The following SLX9 variants were observed in gnomAD, a reference collection of about 807,000 sequenced individuals.
The protein encoded by SLX9 is SLX9 ribosome biogenesis factor, also known as ribosome biogenesis protein SLX9 homolog.
SLX9 carries 19 observed loss-of-function variants against 20.8 expected under a neutral mutation model. The observed-to-expected ratio is 0.91, with a 90% CI of 0.64 to 1.34. SLX9 has a LOEUF of 1.34. Ranked by LOEUF, SLX9 falls within the 40% of genes most tolerant of loss-of-function variation. The pLI is 0.00. For synonymous variants in SLX9, 113 were observed against 137.1 expected, an observed-to-expected ratio of 0.82 and a Z score of 1.23; for missense variants, 299 against 322.2, an observed-to-expected ratio of 0.93 and a Z score of 0.55.
At chr21:44,951,464 C>G (rs111988241) in intron 2 of SLX9, among the ~76,000 whole-genome samples, 1 of 152,220 alleles carries the variant, frequency 6.6e-6, no homozygotes, top group Non-Finnish European at 1.5e-5. Context: ...CCTCAGCGCA[C>G]GGGGCGAACG....
At chr21:44,949,286 A>T (rs964918276) in intron 2 of SLX9, among the ~76,000 whole-genome samples, 1 of 151,960 alleles carries the variant, frequency 6.6e-6, no homozygotes. Flanking sequence ...GCTGCTCCTG[A>T]TCAGGGAGTG....
chr21:44,959,305 G>C, intron 2 of SLX9: 1 of 973,792 alleles, frequency 1.0e-6, no homozygotes, highest in Non-Finnish European at 1.2e-6. Flanking sequence ...GGAGAATGCA[G>C]CCGAGGCTGA....
At chr21:44,971,988 C>G (rs900237853) in intron 4 of SLX9, among the ~76,000 whole-genome samples, 4 of 152,162 alleles carry the variant, frequency 2.6e-5, no homozygotes, top group African/African-American at 9.7e-5. Context: ...GGGACTGATT[C>G]CTTCCCCAGA....
intron 2 of SLX9, among the ~76,000 whole-genome samples, chr21:44,950,085 G>C (rs886267869): frequency 6.6e-6 from 1 of 151,340 alleles, no homozygotes; most frequent in Non-Finnish European, 1.5e-5. Context: ...TGGGGTTACA[G>C]GGTTGTCTTC....
rs1568925538 is a variant in SLX9, at chr21:44,940,949, C to T, written c.129+763C>T. On this transcript the variant is annotated intron_variant, in intron 1 of 5. Coordinates refer to ENST00000291634, the MANE Select transcript of SLX9 (RefSeq NM_058190.4). ...GCTGTTCACTCAGTTTTTCTCTTTT[C>T]TTCAGATGGCATAATCTATCTTAAT... Among the ~76,000 whole-genome samples, 3 of 152,262 alleles carry T rather than the reference C, an allele frequency of 2.0e-5. No homozygotes were observed. In the East Asian group the frequency reaches 5.8e-4, roughly 29 times the overall value.
chr21:44,947,038 C>T (rs142985307), intron 2 of SLX9, among the ~76,000 whole-genome samples: 1,827 of 152,330 alleles, frequency 0.012, 38 homozygotes, highest in African/African-American at 0.041. Context: ...GGTATCCAGG[C>T]GCCTCAGTGG....
In SLX9 at chr21:44,960,093, T is replaced by C; in HGVS notation, c.284-7T>C. 1 of 1,614,180 alleles carries C rather than the reference T, an allele frequency of 6.2e-7. No homozygotes were observed. Among genetic ancestry groups the C allele is most frequent in the Non-Finnish European group, 8.5e-7 (1 of 1,179,986 alleles). On this transcript the variant is annotated splice_region_variant and splice_polypyrimidine_tract_variant and intron_variant, in intron 2 of 5. Transcript: ENST00000291634. ...GTTTTGCTCACTCCCGTGTTCTCTT[T>C]CCTCAGGTGCAGAGGCCAAGACCGT...
In SLX9 at chr21:44,976,744, G is replaced by C. The variant is rs3737075; in HGVS notation, c.634G>C (p.Val212Leu). Residue 212 changes from valine to leucine, a missense_variant, in exon 6 of 6, where the codon GTG (valine) becomes CTG (leucine). Physicochemically the swap from Val to Leu is conservative, Grantham distance 32 (BLOSUM62 1). Coordinates refer to ENST00000291634, the MANE Select transcript of SLX9 (RefSeq NM_058190.4). Reference sequence around the variant, plus strand: ...TCCGGCCTACAGAGCCAGCCCCCTGGTGGCCATCGGGCAGACGCTGGCCCG... The same window carrying C: ...TCCGGCCTACAGAGCCAGCCCCCTGCTGGCCATCGGGCAGACGCTGGCCCG... ...ASPAYRASPL[V>L]AIGQTLARQM... 0.16 allele frequency: 242,700 copies of C among 1,564,034 alleles called. 19,943 individuals are homozygous for C. The highest frequency in any genetic ancestry group is 0.22 in the Admixed American group (11,692 of 53,424).
chr21:44,963,539 G>C (rs59226008), intron 3 of SLX9, among the ~76,000 whole-genome samples: 11,898 of 151,686 alleles, frequency 0.078, 1,545 homozygotes, highest in African/African-American at 0.27. Flanking sequence ...AAACTTTATA[G>C]TTTGAGCTTT....
chr21:44,969,814 C>T (rs1054201104), intron 4 of SLX9, among the ~76,000 whole-genome samples: 27 of 152,218 alleles, frequency 1.8e-4, no homozygotes, highest in Admixed American at 1.7e-3. Flanking sequence ...CTCTTTCTGC[C>T]TCAGGATCCG....
chr21:44,956,415 T>C (rs551737451), intron 2 of SLX9, among the ~76,000 whole-genome samples: 2 of 152,292 alleles, frequency 1.3e-5, no homozygotes, highest in African/African-American at 4.8e-5. Context: ...CCAAACGGCC[T>C]GTCCCACGAT....
intron 1 of SLX9, among the ~76,000 whole-genome samples, chr21:44,942,580 C>T (rs1009418462): frequency 6.6e-6 from 1 of 152,176 alleles, no homozygotes; most frequent in African/African-American, 2.4e-5. Context: ...TTTACCTCTA[C>T]CTTCAAGGTT....
chr21:44,945,452 T>C (rs1187828366), intron 2 of SLX9, among the ~76,000 whole-genome samples: 1 of 152,226 alleles, frequency 6.6e-6, no homozygotes, highest in Non-Finnish European at 1.5e-5. Context: ...GCCTCTTTCC[T>C]CTGCCTTTTC....
chr21:44,973,266 G>A lies in SLX9; in HGVS notation c.569+1G>A. The A allele has an allele frequency of 6.2e-7, 1 of 1,612,020 alleles. No homozygotes were observed. Among genetic ancestry groups the A allele is most frequent in the East Asian group, 2.2e-5 (1 of 44,886 alleles). ...GCGCAGCCCAGAGACAGCAGCTTCT[G>A]TGAGTGCACCTGCCCACCTCCTCAG... On this transcript the variant is annotated splice_donor_variant, in intron 5 of 5. Coordinates refer to ENST00000291634, the MANE Select transcript of SLX9 (RefSeq NM_058190.4). LOFTEE classifies it high-confidence loss of function.
chr21:44,964,485 C>G (rs373923018), intron 3 of SLX9, among the ~76,000 whole-genome samples: 17 of 152,338 alleles, frequency 1.1e-4, no homozygotes, highest in African/African-American at 3.8e-4. Flanking sequence ...AGGCCTCCCC[C>G]GGTCACTCTC....
intron 2 of SLX9, among the ~76,000 whole-genome samples, chr21:44,946,869 C>T (rs1429302014): frequency 6.6e-6 from 1 of 152,206 alleles, no homozygotes; most frequent in Non-Finnish European, 1.5e-5. Context: ...GACAGGCCTC[C>T]ACTTCCCCTG....
chr21:44,940,457 C>T (rs993283638), intron 1 of SLX9, among the ~76,000 whole-genome samples: 3 of 152,182 alleles, frequency 2.0e-5, no homozygotes, highest in Admixed American at 2.0e-4. Flanking sequence ...GGTTGCCACG[C>T]GGACCCCAGA....
chr21:44,958,945 C>G (rs1568938021), intron 2 of SLX9, among the ~76,000 whole-genome samples: 1 of 152,246 alleles, frequency 6.6e-6, no homozygotes, highest in Non-Finnish European at 1.5e-5. Context: ...TCAGTTTCCA[C>G]TGGTCTTAGA....
chr21:44,943,631 A>G (rs1231380239), intron 1 of SLX9, 53 bp from the exon 2 acceptor site: 5 of 1,600,432 alleles, frequency 3.1e-6, no homozygotes, highest in African/African-American at 2.7e-5. Flanking sequence ...CTCTGAAACC[A>G]CAGAGCAAGT....
Sources: gnomAD v4.1 joint callset for allele counts (sites outside exome capture counted in the v4.1 genomes callset) on GRCh38, gnomAD v4.1.1 for gene constraint, MANE v1.5 for transcripts, NCBI Gene and HGNC (gene_info 2026-07-23, HGNC 2026-07-21) for gene names.